ACYP1: variants seen among roughly 807,000 people sequenced by gnomAD.
ACYP1 encodes the protein acylphosphatase 1.
In ACYP1, 8 loss-of-function variants were observed where a neutral mutation model predicts 10.4. That is an observed-to-expected ratio of 0.77 (90% CI 0.45 to 1.38). The LOEUF (loss-of-function observed/expected upper bound fraction) is 1.38. Ranked by LOEUF, ACYP1 falls within the 40% of genes most tolerant of loss-of-function variation. The pLI, the probability that ACYP1 is intolerant of heterozygous loss-of-function variation, is 0.00. For missense variants in ACYP1, 93 were observed against 117.3 expected (o/e 0.79, Z 0.96); for synonymous variants, 38 against 40.8 (o/e 0.93, Z 0.26).
chr14:75,063,706 G>A (rs752451449), intron 1 of ACYP1, 145 bp from the exon 2 acceptor site: 1 of 730,254 alleles, frequency 1.4e-6, no homozygotes, highest in Non-Finnish European at 2.2e-6. Context: ...ATGGAAACGT[G>A]AGTGGATGTG....
intron 2 of ACYP1, among the ~76,000 whole-genome samples, chr14:75,058,937 C>T (rs926381604): frequency 1.3e-5 from 2 of 152,102 alleles, no homozygotes; most frequent in African/African-American, 2.4e-5. Context: ...CGGTGGCTCA[C>T]GCCTGTAATC....
chr14:75,054,553 T>G (rs1435902288), intron 2 of ACYP1, among the ~76,000 whole-genome samples: 1 of 151,630 alleles, frequency 6.6e-6, no homozygotes, highest in Non-Finnish European at 1.5e-5. Context: ...AGTAATTATC[T>G]AAATAGAAGA....
rs964818194 is a variant in ACYP1 at position 75,069,136 on chromosome 14, C to T, written c.82+74G>A. 5 of 1,378,402 alleles carry T rather than the reference C, an allele frequency of 3.6e-6. No individual in the cohort carries two copies. In the African/African-American group the frequency reaches 6.0e-5, roughly 17 times the overall value. 85.4% of individuals were successfully genotyped at this position (1,378,402 alleles called of 1,614,324 possible). ...CAAAAACTACCACGGAAAGATACTG[C>T]GTAGCAAAAACGTTGGCAGCAAGTT... On this transcript the variant is annotated intron_variant, in intron 1 of 2. Coordinates refer to the ACYP1 transcript ENST00000555463.
At chr14:75,057,265 GAT>G (rs1437710720) in intron 2 of ACYP1, among the ~76,000 whole-genome samples, 1 of 151,428 alleles carries the variant, frequency 6.6e-6, no homozygotes, top group African/African-American at 2.4e-5. Flanking sequence ...GCATCAAAAA[GAT>G]AGAGTGTCTA....
At chr14:75,055,817 T>C (rs1198582625) in intron 2 of ACYP1, among the ~76,000 whole-genome samples, 1 of 150,914 alleles carries the variant, frequency 6.6e-6, no homozygotes, top group Non-Finnish European at 1.5e-5. Context: ...ATAGAGAAAA[T>C]CAATAAAACA....
upstream of ACYP1, among the ~76,000 whole-genome samples, chr14:75,065,787 T>C (rs905087072): frequency 4.6e-5 from 7 of 152,190 alleles, no homozygotes; most frequent in African/African-American, 9.7e-5. Context: ...TTAATTCTGA[T>C]TGGGAAGACA....
upstream of ACYP1, among the ~76,000 whole-genome samples, chr14:75,068,804 C>G (rs139237836): frequency 6.6e-6 from 1 of 152,082 alleles, no homozygotes; most frequent in Non-Finnish European, 1.5e-5. Context: ...AGTATTAACA[C>G]TGATGACTGC....
intron 2 of ACYP1, among the ~76,000 whole-genome samples, chr14:75,056,863 T>G (rs1892889949): frequency 6.6e-6 from 1 of 151,622 alleles, no homozygotes; most frequent in Non-Finnish European, 1.5e-5. Flanking sequence ...AGAAGGAAAC[T>G]TCCTCAACCT....
chr14:75,067,882 C>A (rs1893176602), upstream of ACYP1, among the ~76,000 whole-genome samples: 1 of 151,830 alleles, frequency 6.6e-6, no homozygotes, highest in Non-Finnish European at 1.5e-5. Flanking sequence ...ACCTGTAGTC[C>A]CAGCTACTCG....
chr14:75,060,751 G>T (rs1218508124), intron 2 of ACYP1, among the ~76,000 whole-genome samples: 1 of 152,138 alleles, frequency 6.6e-6, no homozygotes, highest in Admixed American at 6.5e-5. Flanking sequence ...GGCCACATTT[G>T]TATGATTCCA....
At chr14:75,064,168 C>T, upstream of ACYP1, 1 of 350,158 alleles carries the variant, frequency 2.9e-6, no homozygotes, top group Non-Finnish European at 4.0e-6. Context: ...GTCCGGCAAC[C>T]CAAAAGCTTT....
intron 2 of ACYP1, among the ~76,000 whole-genome samples, chr14:75,056,560 G>A (rs1212154315): frequency 1.3e-5 from 2 of 150,458 alleles, no homozygotes; most frequent in Admixed American, 6.6e-5. Context: ...CAAAAACAAA[G>A]CTGTCACGAG....
upstream of ACYP1, among the ~76,000 whole-genome samples, chr14:75,067,504 A>G (rs1221211652): frequency 6.6e-6 from 1 of 152,218 alleles, no homozygotes; most frequent in African/African-American, 2.4e-5. Context: ...GAACTGGACA[A>G]TGACGGGGAG....
intron 2 of ACYP1, among the ~76,000 whole-genome samples, chr14:75,062,586 C>T (rs767508898): frequency 8.5e-5 from 12 of 141,296 alleles, no homozygotes; most frequent in African/African-American, 2.6e-4. Flanking sequence ...GAGGCTGAGG[C>T]GGATGGATCA....
In ACYP1 at chr14:75,055,346, C is replaced by A. The variant is rs570085017; in HGVS notation, c.85-1687G>T. On this transcript the variant is annotated intron_variant, in intron 2 of 2. Transcript: ENST00000238618. The stretch of plus-strand genomic sequence containing the variant: ...TCATGATCCGCCTGCCTCGGCCTCC[C>A]AAAGTGCTGGGATTACAGGCATGAG... Among the ~76,000 whole-genome samples the A allele has an allele frequency of 2.4e-3, 367 of 151,380 alleles. 3 individuals carry two copies. Among genetic ancestry groups the A allele is most frequent in the Non-Finnish European group, 3.9e-3 (268 of 67,934 alleles).
At chr14:75,055,786 A>C (rs1892862986) in intron 2 of ACYP1, among the ~76,000 whole-genome samples, 1 of 151,512 alleles carries the variant, frequency 6.6e-6, no homozygotes, top group South Asian at 2.1e-4. Context: ...ATTAGAGCAG[A>C]AATTAATGGA....
upstream of ACYP1, among the ~76,000 whole-genome samples, chr14:75,068,900 C>T (rs1301608508): frequency 6.6e-6 from 1 of 152,122 alleles, no homozygotes; most frequent in Admixed American, 6.5e-5. Context: ...CACAGATGAA[C>T]TGAAGCGAAG....
In ACYP1 at chr14:75,058,137, G is replaced by A. The variant is rs1032254628; in HGVS notation, c.85-4478C>T. On this transcript the variant is annotated intron_variant, in intron 2 of 2. Transcript: ENST00000238618. ...GTGAGGCAGGGGTGGGAAGAGGTGGGGTACCAGGCTCTTTTTAACAACCAG... is the reference window on the plus strand; with the variant it reads ...GTGAGGCAGGGGTGGGAAGAGGTGGAGTACCAGGCTCTTTTTAACAACCAG... 5.3e-5 allele frequency among the ~76,000 whole-genome samples: 8 copies of A among 150,616 alleles called. 1 individual carries two copies. In the East Asian group the frequency reaches 1.6e-3, roughly 29 times the overall value.
upstream of ACYP1, among the ~76,000 whole-genome samples, chr14:75,068,262 G>C (rs1276030006): frequency 6.6e-6 from 1 of 152,168 alleles, no homozygotes; most frequent in African/African-American, 2.4e-5. Flanking sequence ...CTGCACTTCA[G>C]CCTGGGCAAC....
Sources: allele counts gnomAD v4.1 joint callset (sites outside exome capture counted in the v4.1 genomes callset), GRCh38; gene constraint gnomAD v4.1.1; transcripts MANE v1.5; gene names NCBI Gene and HGNC (gene_info 2026-07-23, HGNC 2026-07-21).